EPHA6: variants seen among roughly 807,000 people sequenced by gnomAD.
The protein encoded by EPHA6 is ephrin type-A receptor 6.
EPHA6 carries 50 observed loss-of-function variants against 112.0 expected under a neutral mutation model. The observed-to-expected ratio is 0.45, with a 90% CI of 0.36 to 0.56. The LOEUF (loss-of-function observed/expected upper bound fraction) is 0.56, where lower values mean the gene tolerates loss of function less well. Among genes scored for constraint, EPHA6 ranks in the 20% least tolerant of loss-of-function variants. The pLI is 0.00. For missense variants in EPHA6, 1,280 were observed against 1,417.4 expected (o/e 0.90, Z 1.56); for synonymous variants, 529 against 490.7 (o/e 1.08, Z -1.03).
chr3:97,746,449 G>A (rs2035718879), intron 16 of EPHA6, among the ~76,000 whole-genome samples: 1 of 151,686 alleles, frequency 6.6e-6, no homozygotes, highest in Non-Finnish European at 1.5e-5. Flanking sequence ...ATGTAAGTAT[G>A]TAAAGAAACT....
chr3:97,654,514 A>G (rs2094126210), intron 14 of EPHA6, among the ~76,000 whole-genome samples: 1 of 151,980 alleles, frequency 6.6e-6, no homozygotes, highest in Admixed American at 6.6e-5. Flanking sequence ...TATTGGATAT[A>G]CAACAAAAAT....
chr3:97,405,388 T>G (rs759499574), intron 6 of EPHA6, 114 bp downstream of exon 6: 86 of 836,074 alleles, frequency 1.0e-4, no homozygotes, highest in Non-Finnish European at 1.5e-4. Flanking sequence ...TTCTTTGGCC[T>G]AGCCTCATAC....
chr3:96,928,887 T>C (rs2040174669), intron 2 of EPHA6, among the ~76,000 whole-genome samples: 1 of 152,216 alleles, frequency 6.6e-6, no homozygotes, highest in Admixed American at 6.5e-5. Context: ...CTTCTTTGTC[T>C]TTTTTTATCT....
At chr3:97,324,423 T>TTCTTTCTC (rs1553746301) in intron 5 of EPHA6, among the ~76,000 whole-genome samples, 5 of 143,430 alleles carry the variant, frequency 3.5e-5, no homozygotes, top group African/African-American at 1.3e-4. Flanking sequence ...CTTTCTTTCT[T>TTCTTTCTC]TCTTTCTTTC....
chr3:97,696,892 G>A (rs2033079609), intron 14 of EPHA6, among the ~76,000 whole-genome samples: 1 of 152,190 alleles, frequency 6.6e-6, no homozygotes, highest in Admixed American at 6.5e-5. Flanking sequence ...GCTGGCCACA[G>A]TGTCAGTGTG....
chr3:97,087,720 T>C (rs2046945260), intron 3 of EPHA6, among the ~76,000 whole-genome samples: 1 of 152,184 alleles, frequency 6.6e-6, no homozygotes, highest in African/African-American at 2.4e-5. Flanking sequence ...GTAACTACTT[T>C]CCTCTGTCCA....
At chr3:97,264,173 G>A (rs948699811) in intron 5 of EPHA6, among the ~76,000 whole-genome samples, 1 of 152,226 alleles carries the variant, frequency 6.6e-6, no homozygotes, top group Non-Finnish European at 1.5e-5. Flanking sequence ...CTTTGCCCAA[G>A]TTTTGCTCAG....
rs549149495 is a variant in EPHA6, at chr3:97,626,486, G to A, written c.2575-11387G>A. On this transcript the variant is annotated intron_variant, in intron 13 of 17. Transcript: ENST00000389672. Reference sequence around the variant, plus strand: ...AAAAGAAAAACAAGGATGCCAAAAGGGGACTGAGGATGGTAGTGAAGGGAT... The same window carrying A: ...AAAAGAAAAACAAGGATGCCAAAAGAGGACTGAGGATGGTAGTGAAGGGAT... Among the ~76,000 whole-genome samples, 6 of 151,832 alleles carry A rather than the reference G, an allele frequency of 4.0e-5. No homozygotes were observed. In the East Asian group the frequency reaches 7.8e-4, roughly 20 times the overall value.
At chr3:97,614,715 C>G (rs1485538587) in intron 13 of EPHA6, among the ~76,000 whole-genome samples, 1 of 151,664 alleles carries the variant, frequency 6.6e-6, no homozygotes, top group Non-Finnish European at 1.5e-5. Context: ...ATCTATAAAC[C>G]AAAAATCTAG....
chr3:97,280,673 A>T (rs1263363365), intron 5 of EPHA6, among the ~76,000 whole-genome samples: 1 of 152,198 alleles, frequency 6.6e-6, no homozygotes, highest in Non-Finnish European at 1.5e-5. Context: ...TCTAGCATGT[A>T]TACATTTTTA....
At chr3:97,271,189 A>C (rs2079866298) in intron 5 of EPHA6, among the ~76,000 whole-genome samples, 1 of 152,248 alleles carries the variant, frequency 6.6e-6, no homozygotes, top group African/African-American at 2.4e-5. Context: ...TGTCCTATGC[A>C]AACTTACTTA....
At chr3:96,972,822 T>C (rs2107789019) in intron 2 of EPHA6, among the ~76,000 whole-genome samples, 1 of 152,312 alleles carries the variant, frequency 6.6e-6, no homozygotes, top group South Asian at 2.1e-4. Flanking sequence ...AACTATCTGC[T>C]CCTATTTTAA....
intron 11 of EPHA6, among the ~76,000 whole-genome samples, chr3:97,546,156 G>A (rs556866051): frequency 6.6e-6 from 1 of 152,192 alleles, no homozygotes; most frequent in Non-Finnish European, 1.5e-5. Flanking sequence ...TTTCTTCCTA[G>A]CCTTGATGGT....
chr3:96,951,066 A>AT (rs1035502373), intron 2 of EPHA6, among the ~76,000 whole-genome samples: 3 of 152,050 alleles, frequency 2.0e-5, no homozygotes, highest in Non-Finnish European at 4.4e-5. Flanking sequence ...AGTAAAAATA[A>AT]TTCTTATTCC....
intron 10 of EPHA6, among the ~76,000 whole-genome samples, chr3:97,511,011 G>T (rs1253908579): frequency 1.3e-5 from 2 of 152,170 alleles, no homozygotes; most frequent in Non-Finnish European, 2.9e-5. Context: ...GCCTACTCAA[G>T]CCTTAGTAAT....
chr3:97,678,564 C>A (rs1014690362), intron 14 of EPHA6, among the ~76,000 whole-genome samples: 1 of 152,128 alleles, frequency 6.6e-6, no homozygotes, highest in African/African-American at 2.4e-5. Flanking sequence ...CCCTTCTTCA[C>A]CCCTGCTGTG....
In EPHA6 at chr3:97,589,247, C is replaced by A. The variant is rs1430626381; in HGVS notation, c.2387-3365C>A. 3.3e-5 allele frequency among the ~76,000 whole-genome samples: 5 copies of A among 151,618 alleles called. No homozygotes were observed. The East Asian group carries it at 9.7e-4, about 29-fold the overall frequency. ...AGACAATTCTTCTTCTAATGTGCCC[C>A]ATAGTAGCCAAAAGATTGGACACCC... On this transcript the variant is annotated intron_variant, in intron 11 of 17. Coordinates refer to ENST00000389672, the MANE Select transcript of EPHA6 (RefSeq NM_001080448.3).
chr3:96,977,573 A>G (rs1363107253), intron 2 of EPHA6, among the ~76,000 whole-genome samples: 4 of 152,166 alleles, frequency 2.6e-5, no homozygotes, highest in Admixed American at 1.3e-4. Context: ...GTGAGCTGCC[A>G]TACTCATATT....
intron 2 of EPHA6, among the ~76,000 whole-genome samples, chr3:96,942,251 G>T (rs1178880595): frequency 6.6e-6 from 1 of 152,202 alleles, no homozygotes; most frequent in Non-Finnish European, 1.5e-5. Context: ...CTTTAGCTGT[G>T]GTGGGCTCCA....
Sources: gnomAD v4.1 joint callset for allele counts (sites outside exome capture counted in the v4.1 genomes callset) on GRCh38, gnomAD v4.1.1 for gene constraint, MANE v1.5 for transcripts, NCBI Gene and HGNC (gene_info 2026-07-23, HGNC 2026-07-21) for gene names.